Variants in UBE2E2 observed in about 807,000 individuals in gnomAD.
The protein encoded by UBE2E2 is ubiquitin-conjugating enzyme E2 E2.
Under a neutral mutation model 24.7 loss-of-function variants are expected in UBE2E2, and 6 were observed. That is an observed-to-expected ratio of 0.24 (90% CI 0.13 to 0.48). UBE2E2 has a LOEUF of 0.48. Among genes scored for constraint, UBE2E2 ranks in the 20% least tolerant of loss-of-function variants. The pLI is 0.99. For missense variants in UBE2E2, 169 were observed against 245.0 expected (o/e 0.69, Z 2.07); for synonymous variants, 104 against 83.6 (o/e 1.24, Z -1.33).
chr3:23,216,233 T>C (rs2125321498), intron 2 of UBE2E2, among the ~76,000 whole-genome samples: 1 of 152,250 alleles, frequency 6.6e-6, no homozygotes, highest in Middle Eastern at 3.4e-3. Flanking sequence ...ATTATATTAG[T>C]AGCATGCAGT....
chr3:23,538,467 TAATC>T (rs1695315469), intron 5 of UBE2E2, among the ~76,000 whole-genome samples: 1 of 152,190 alleles, frequency 6.6e-6, no homozygotes, highest in Non-Finnish European at 1.5e-5. Context: ...TAAGTGCTAT[TAATC>T]AATCTACCTG....
chr3:23,355,666 C>G (rs1434113114), intron 3 of UBE2E2, among the ~76,000 whole-genome samples: 1 of 152,028 alleles, frequency 6.6e-6, no homozygotes, highest in Non-Finnish European at 1.5e-5. Context: ...CAGTTTATAC[C>G]TACTGTGCTG....
intron 3 of UBE2E2, among the ~76,000 whole-genome samples, chr3:23,256,527 G>C (rs575623797): frequency 6.6e-6 from 1 of 152,200 alleles, no homozygotes; most frequent in South Asian, 2.1e-4. Flanking sequence ...TTTTAATTAA[G>C]AACATTAAAG....
chr3:23,345,992 C>A (rs1442202841), intron 3 of UBE2E2, among the ~76,000 whole-genome samples: 2 of 152,164 alleles, frequency 1.3e-5, no homozygotes, highest in African/African-American at 4.8e-5. Flanking sequence ...TGTTGCTGAT[C>A]TAATCAATCA....
intron 3 of UBE2E2, among the ~76,000 whole-genome samples, chr3:23,463,878 T>G (rs923906387): frequency 3.9e-5 from 6 of 152,156 alleles, no homozygotes; most frequent in Non-Finnish European, 4.4e-5. Context: ...TCAAAGGAAT[T>G]AGAGGAATTA....
intron 3 of UBE2E2, among the ~76,000 whole-genome samples, chr3:23,295,150 C>A (rs1354870690): frequency 2.0e-5 from 3 of 152,144 alleles, no homozygotes; most frequent in Non-Finnish European, 2.9e-5. Flanking sequence ...TATAGATCAG[C>A]TGAGATTGCT....
intron 3 of UBE2E2, among the ~76,000 whole-genome samples, chr3:23,395,177 T>C (rs1249863019): frequency 6.6e-6 from 1 of 152,126 alleles, no homozygotes. Context: ...CATCTTAAAA[T>C]GTATTTAGAA....
At chr3:23,427,725 GAT>G (rs934532736) in intron 3 of UBE2E2, among the ~76,000 whole-genome samples, 1 of 152,152 alleles carries the variant, frequency 6.6e-6, no homozygotes, top group Non-Finnish European at 1.5e-5. Context: ...ACTGGGGAAA[GAT>G]ATACTATGCT....
At chr3:23,273,554 A>G (rs1435546628) in intron 3 of UBE2E2, among the ~76,000 whole-genome samples, 2 of 152,066 alleles carry the variant, frequency 1.3e-5, no homozygotes, top group Non-Finnish European at 2.9e-5. Context: ...AGAGAGAGAA[A>G]TGATGTACAG....
intron 3 of UBE2E2, among the ~76,000 whole-genome samples, chr3:23,394,143 C>T (rs938891923): frequency 2.0e-5 from 3 of 152,206 alleles, no homozygotes; most frequent in African/African-American, 7.2e-5. Context: ...AAGATGCGTG[C>T]AAACAGCATG....
chr3:23,418,176 C>T (rs1657547850), intron 3 of UBE2E2, among the ~76,000 whole-genome samples: 1 of 152,168 alleles, frequency 6.6e-6, no homozygotes, highest in Admixed American at 6.5e-5. Context: ...AAACCCACGG[C>T]CCTGGTGGCG....
Position 23,532,671 on chromosome 3 carries a change from A to G in UBE2E2, c.478A>G (p.Ile160Val). Reference sequence around the variant, plus strand: ...AACTATTTCTAAAGTTCTCCTCTCCATCTGCTCACTTCTTACAGATTGCAA... The same window carrying G: ...AACTATTTCTAAAGTTCTCCTCTCCGTCTGCTCACTTCTTACAGATTGCAA... ...ALTISKVLLS[I>V]CSLLTDCNPA... Residue 160 changes from isoleucine to valine, a missense_variant, in exon 5 of 6, where the codon ATC becomes GTC. This residue lies in a region of UBE2E2 where 105 missense variants were observed against 180.7 expected (regional missense o/e 0.58). Coordinates refer to ENST00000396703, the MANE Select transcript of UBE2E2 (RefSeq NM_152653.4). 6.4e-7 allele frequency: 1 copy of G among 1,561,220 alleles called. No homozygotes were observed. The highest frequency in any genetic ancestry group is 2.2e-5 in the East Asian group (1 of 44,448).
chr3:23,506,610 T>A (rs534910583), intron 4 of UBE2E2, among the ~76,000 whole-genome samples: 5 of 152,270 alleles, frequency 3.3e-5, no homozygotes, highest in Admixed American at 2.0e-4. Context: ...TATGTGGTCT[T>A]CCTGGTTCCA....
chr3:23,399,952 A>G (rs1023434062), intron 3 of UBE2E2, among the ~76,000 whole-genome samples: 1 of 152,174 alleles, frequency 6.6e-6, no homozygotes, highest in African/African-American at 2.4e-5. Context: ...GCTCCTTACT[A>G]CTACGCAGGA....
intron 3 of UBE2E2, among the ~76,000 whole-genome samples, chr3:23,326,951 GCTGAGAATGATGGTTTC>G (rs1694907064): frequency 6.6e-6 from 1 of 152,046 alleles, no homozygotes; most frequent in African/African-American, 2.4e-5. Flanking sequence ...GCGATAGTTT[GCTGAGAATGATGGTTTC>G]CAGCTTCATC....
At chr3:23,204,634 C>T in intron 1 of UBE2E2, 1 of 956,926 alleles carries the variant, frequency 1.0e-6, no homozygotes, top group Non-Finnish European at 1.2e-6. Flanking sequence ...TGGGCTGACG[C>T]TGAAATAGAG....
chr3:23,478,558 CAA>C (rs1421031701), intron 3 of UBE2E2, among the ~76,000 whole-genome samples: 1 of 152,098 alleles, frequency 6.6e-6, no homozygotes, highest in African/African-American at 2.4e-5. Flanking sequence ...TGATGTGAAA[CAA>C]AAATATTAAG....
At chr3:23,272,201 G>T (rs981380793) in intron 3 of UBE2E2, among the ~76,000 whole-genome samples, 1 of 152,164 alleles carries the variant, frequency 6.6e-6, no homozygotes, top group African/African-American at 2.4e-5. Flanking sequence ...GCGAGAGTTC[G>T]AGTGTGGCAC....
chr3:23,538,717 T>C (rs1695321282), intron 5 of UBE2E2, among the ~76,000 whole-genome samples: 1 of 152,112 alleles, frequency 6.6e-6, no homozygotes, highest in Non-Finnish European at 1.5e-5. Flanking sequence ...TTCCCTGTTT[T>C]GTGAATTAAA....
Sources: gnomAD v4.1 joint callset for allele counts (sites outside exome capture counted in the v4.1 genomes callset) on GRCh38, gnomAD v4.1.1 for gene constraint, gnomAD v4.1.1 regional missense constraint, MANE v1.5 for transcripts, NCBI Gene and HGNC (gene_info 2026-07-23, HGNC 2026-07-21) for gene names.